NAV2: variants seen among roughly 807,000 people sequenced by gnomAD.
The protein encoded by NAV2 is helicase, APC down-regulated 1.
NAV2 carries 54 observed loss-of-function variants against 223.2 expected under a neutral mutation model. The ratio of observed to expected loss-of-function variants is 0.24; its 90% CI spans 0.19 to 0.30. The LOEUF is 0.30. Ranked by LOEUF, NAV2 falls within the 10% of genes least tolerant of loss-of-function variation. NAV2 has a pLI of 1.00. For synonymous variants in NAV2, 1,279 were observed against 1,239.3 expected, an observed-to-expected ratio of 1.03 and a Z score of -0.67; for missense variants, 2,806 against 3,147.5, an observed-to-expected ratio of 0.89 and a Z score of 2.60.
At chr11:19,561,370 A>G (rs2045091825) in intron 1 of NAV2, among the ~76,000 whole-genome samples, 1 of 152,082 alleles carries the variant, frequency 6.6e-6, no homozygotes, top group Non-Finnish European at 1.5e-5. Flanking sequence ...CCCACCTGTT[A>G]TTTTGGGAAA....
chr11:19,436,472 T>C (rs1020381457), intron 1 of NAV2, among the ~76,000 whole-genome samples: 1 of 152,216 alleles, frequency 6.6e-6, no homozygotes, highest in Non-Finnish European at 1.5e-5. Flanking sequence ...TTTTGATTAC[T>C]ATAGCTTTGT....
At chr11:19,758,296 C>A (rs2054405113) in intron 1 of NAV2, among the ~76,000 whole-genome samples, 1 of 152,108 alleles carries the variant, frequency 6.6e-6, no homozygotes, top group Non-Finnish European at 1.5e-5. Context: ...ATACTAAAGG[C>A]AGTGAAGAAA....
chr11:19,638,865 C>A (rs1468156243), intron 1 of NAV2, among the ~76,000 whole-genome samples: 1 of 152,176 alleles, frequency 6.6e-6, no homozygotes, highest in Non-Finnish European at 1.5e-5. Flanking sequence ...TGGTGGCGCA[C>A]ACCTGTAATC....
At chr11:19,565,326 T>C (rs558237666) in intron 1 of NAV2, among the ~76,000 whole-genome samples, 1 of 152,310 alleles carries the variant, frequency 6.6e-6, no homozygotes, top group South Asian at 2.1e-4. Context: ...GAAGTACTCT[T>C]CTCCTATTTC....
chr11:19,497,095 C>T (rs2042820516), intron 1 of NAV2, among the ~76,000 whole-genome samples: 1 of 152,180 alleles, frequency 6.6e-6, no homozygotes, highest in Non-Finnish European at 1.5e-5. Flanking sequence ...GTACCCATTC[C>T]AAAGTGCAGA....
At chr11:19,887,492 A>G (rs1456191304) in intron 5 of NAV2, among the ~76,000 whole-genome samples, 1 of 152,110 alleles carries the variant, frequency 6.6e-6, no homozygotes, top group Non-Finnish European at 1.5e-5. Flanking sequence ...GGGTTTCCTT[A>G]TTGGTCAAAT....
chr11:19,495,246 T>A (rs1287734780), intron 1 of NAV2, among the ~76,000 whole-genome samples: 1 of 152,238 alleles, frequency 6.6e-6, no homozygotes, highest in Non-Finnish European at 1.5e-5. Flanking sequence ...CTTCATTCAA[T>A]TCAGCAAGCA....
intron 3 of NAV2, among the ~76,000 whole-genome samples, chr11:19,853,771 A>G (rs2061269737): frequency 6.8e-6 from 1 of 146,274 alleles, no homozygotes; most frequent in Non-Finnish European, 1.5e-5. Flanking sequence ...TTTTTTTTCC[A>G]CTGAACGTCT....
At chr11:19,889,542 G>A (rs78965456) in intron 5 of NAV2, among the ~76,000 whole-genome samples, 2,099 of 152,134 alleles carry the variant, frequency 0.014, 51 homozygotes, top group African/African-American at 0.047. Flanking sequence ...CAAACCATTC[G>A]CCCTTTGCCA....
At chr11:19,817,928 G>A (rs909847020) in intron 1 of NAV2, among the ~76,000 whole-genome samples, 5 of 152,054 alleles carry the variant, frequency 3.3e-5, no homozygotes, top group Admixed American at 6.6e-5. Flanking sequence ...GATCTCCAAG[G>A]GGAGAGTTCG....
intron 1 of NAV2, among the ~76,000 whole-genome samples, chr11:19,545,413 G>A (rs1330741665): frequency 1.3e-5 from 2 of 152,164 alleles, no homozygotes; most frequent in East Asian, 1.9e-4. Flanking sequence ...CTCCCTTCCT[G>A]TGGGAAGACT....
intron 1 of NAV2, among the ~76,000 whole-genome samples, chr11:19,598,318 A>G (rs765608038): frequency 2.0e-5 from 3 of 152,250 alleles, no homozygotes; most frequent in Admixed American, 6.5e-5. Context: ...GCGAGTAGCC[A>G]TCCGTGAGCC....
intron 3 of NAV2, among the ~76,000 whole-genome samples, chr11:19,868,385 C>G (rs533906084): frequency 6.6e-6 from 1 of 152,278 alleles, no homozygotes; most frequent in African/African-American, 2.4e-5. Context: ...TCTCGTGGGT[C>G]CTTTCTTGCC....
intron 1 of NAV2, among the ~76,000 whole-genome samples, chr11:19,611,417 C>T (rs549011552): frequency 1.3e-5 from 2 of 152,308 alleles, no homozygotes; most frequent in African/African-American, 4.8e-5. Context: ...ATTAACCCAA[C>T]AGTCCACAAT....
chr11:19,991,270 T>G (rs1488329265), intron 11 of NAV2, among the ~76,000 whole-genome samples: 1 of 152,082 alleles, frequency 6.6e-6, no homozygotes, highest in Non-Finnish European at 1.5e-5. Flanking sequence ...GGATTACAGG[T>G]GCATGCCACT....
chr11:19,741,208 T>C (rs1252948054), intron 1 of NAV2, among the ~76,000 whole-genome samples: 1 of 152,238 alleles, frequency 6.6e-6, no homozygotes, highest in Non-Finnish European at 1.5e-5. Context: ...AGTGAAATGA[T>C]TACTACAGGG....
chr11:19,553,916 A>T (rs1331782373), intron 1 of NAV2, among the ~76,000 whole-genome samples: 2 of 152,208 alleles, frequency 1.3e-5, no homozygotes, highest in East Asian at 3.9e-4. Flanking sequence ...CTTTTAGCAG[A>T]ATTGTGCTGC....
intron 11 of NAV2, among the ~76,000 whole-genome samples, chr11:20,019,210 G>C (rs917123031): frequency 6.6e-6 from 1 of 152,208 alleles, no homozygotes; most frequent in African/African-American, 2.4e-5. Context: ...GCAGGAAAGA[G>C]ATGATGGCAT....
intron 1 of NAV2, among the ~76,000 whole-genome samples, chr11:19,808,215 C>T (rs2058674903): frequency 6.6e-6 from 1 of 152,180 alleles, no homozygotes; most frequent in African/African-American, 2.4e-5. Context: ...ACTAAAACTC[C>T]AGCCATCTTA....
Sources: gnomAD v4.1 joint callset for allele counts (sites outside exome capture counted in the v4.1 genomes callset) on GRCh38, gnomAD v4.1.1 for gene constraint, MANE v1.5 for transcripts, NCBI Gene and HGNC (gene_info 2026-07-23, HGNC 2026-07-21) for gene names.